STAT5A: variants seen among roughly 807,000 people sequenced by gnomAD.
STAT5A encodes the protein signal transducer and activator of transcription 5A.
A neutral mutation model predicts 100.2 loss-of-function variants in STAT5A; 26 were observed. The observed-to-expected ratio is 0.26, with a 90% CI of 0.19 to 0.36. The LOEUF (loss-of-function observed/expected upper bound fraction) is 0.36, where lower values mean the gene tolerates loss of function less well. STAT5A is among the 10% of genes least tolerant of loss of function. The probability of loss-of-function intolerance (pLI) is 1.00; values close to 1 mark genes in which losing one functional copy is unlikely to be tolerated. For synonymous variants in STAT5A, 330 were observed against 424.3 expected, an observed-to-expected ratio of 0.78 and a Z score of 2.73; for missense variants, 634 against 1,027.5, an observed-to-expected ratio of 0.62 and a Z score of 5.24.
Position 42,309,403 on chromosome 17 carries a change from G to C in STAT5A, c.2141G>C (p.Gly714Ala), listed in dbSNP as rs1390078501. 2.5e-6 allele frequency: 4 copies of C among 1,612,940 alleles called. No individual in the cohort carries two copies. Among genetic ancestry groups the C allele is most frequent in the African/African-American group, 1.3e-5 (1 of 74,880 alleles). Residue 714 changes from glycine (G) to alanine (A), a missense_variant, in exon 18 of 19, where the codon GGG (glycine) becomes GCG (alanine). Physicochemically the swap from Gly to Ala is moderately conservative, Grantham distance 60. Coordinates refer to ENST00000590949, the MANE Select transcript of STAT5A (RefSeq NM_001288718.2). ...TTTGTGAATGCATCTGCAGATGCTG[G>C]GGGCAGCAGCGCCACGTACATGGAC... ...PEFVNASADA[G>A]GSSATYMDQA...
At chr17:42,290,766 G>A (rs1250780202) in intron 3 of STAT5A, among the ~76,000 whole-genome samples, 3 of 152,196 alleles carry the variant, frequency 2.0e-5, no homozygotes, top group Non-Finnish European at 2.9e-5. Flanking sequence ...GCGTCTGGAC[G>A]AGTACATAAT....
intron 4 of STAT5A, among the ~76,000 whole-genome samples, chr17:42,293,094 G>A (rs2080886542): frequency 6.6e-6 from 1 of 152,234 alleles, no homozygotes; most frequent in South Asian, 2.1e-4. Context: ...ATGGCACAGT[G>A]CTGTACTATC....
Position 42,311,074 on chromosome 17 carries a change from A to G in STAT5A, c.*405A>G, listed in dbSNP as rs936924468. On this transcript the variant is annotated 3_prime_UTR_variant, in exon 19 of 19. Coordinates refer to ENST00000590949, the MANE Select transcript of STAT5A (RefSeq NM_001288718.2). ...GCTGAAGTTTCACTCCGGAGTGAGAAGCTTTGCCCTCCTAAGAGAGAGAGA... is the reference window on the plus strand; with the variant it reads ...GCTGAAGTTTCACTCCGGAGTGAGAGGCTTTGCCCTCCTAAGAGAGAGAGA... The G allele has an allele frequency of 8.6e-6, 2 of 232,224 alleles. No individual in the cohort carries two copies. Among genetic ancestry groups the G allele is most frequent in the East Asian group, 1.8e-4 (2 of 11,192 alleles). The allele number at this position is 232,224 out of a possible 1,614,324, so 14.4% of individuals were successfully genotyped here. A position where few individuals can be genotyped will look rare whatever the true frequency, so the allele number is the denominator to read the frequency against.
rs371479742 is a variant in STAT5A, at chr17:42,295,803, G to A, written c.550+10G>A. 13 of 1,613,256 alleles carry A rather than the reference G, an allele frequency of 8.1e-6. No individual in the cohort carries two copies. The highest frequency in any genetic ancestry group is 2.2e-5 in the East Asian group (1 of 44,874). On this transcript the variant is annotated intron_variant, in intron 5 of 18. Transcript: ENST00000590949. ...AGCCTGAGGATCCAAGGTGAGGCGC[G>A]GTGGAGGCAGTGTGCATCCGGAGGG...
intron 17 of STAT5A, 93 bp from the exon 18 acceptor site, chr17:42,309,284 C>A: frequency 3.2e-6 from 5 of 1,542,974 alleles, no homozygotes; most frequent in Non-Finnish European, 4.5e-6. Context: ...CCGTCTACAC[C>A]CCGAGAAAGA....
chr17:42,301,284 C>T lies in STAT5A; in HGVS notation c.999C>T (p.Ile333=), dbSNP rs2080976042. The change falls in exon 9 of 19, where the codon ATC becomes ATT. Residue 333 remains isoleucine (I), a synonymous_variant. Transcript: ENST00000590949. ...IISALVTSTF[I]IEKQPPQVLK... Reference sequence around the variant, plus strand: ...CCTGTGTCCCATGCAGCACATTCATCATTGAGAAGCAGCCTCCTCAGGTCC... The same window carrying T: ...CCTGTGTCCCATGCAGCACATTCATTATTGAGAAGCAGCCTCCTCAGGTCC... The T allele has an allele frequency of 1.4e-5, 22 of 1,613,976 alleles. No individual in the cohort carries two copies. Among genetic ancestry groups the T allele is most frequent in the Non-Finnish European group, 1.9e-5 (22 of 1,179,942 alleles).
chr17:42,298,020 G>T (rs1312554928), intron 5 of STAT5A, among the ~76,000 whole-genome samples: 1 of 151,656 alleles, frequency 6.6e-6, no homozygotes, highest in East Asian at 1.9e-4. Flanking sequence ...GTCCCAGTGT[G>T]GTGGAGACGG....
rs1381483231 is a variant in STAT5A, at chr17:42,311,120, AAG to A, written c.*458_*459del. 1.5e-5 allele frequency: 3 copies of A among 205,802 alleles called. No individual in the cohort carries two copies. Among genetic ancestry groups the A allele is most frequent in the Non-Finnish European group, 1.0e-5 (1 of 97,894 alleles). The allele number at this position is 205,802 out of a possible 1,614,324, so 12.7% of individuals were successfully genotyped here. ...AGAGACAGAGAGACAGAGAGAGAGA[AAG>A]AGAGAGTGTGTGGGTCTATGTAAAT... On this transcript the variant is annotated 3_prime_UTR_variant, in exon 19 of 19. Coordinates refer to ENST00000590949, the MANE Select transcript of STAT5A (RefSeq NM_001288718.2).
chr17:42,304,728 G>A lies in STAT5A; in HGVS notation c.1380+76G>A. 2 of 1,590,484 alleles carry A rather than the reference G, an allele frequency of 1.3e-6. No homozygotes were observed. Among genetic ancestry groups the A allele is most frequent in the Non-Finnish European group, 1.7e-6 (2 of 1,167,774 alleles). On this transcript the variant is annotated intron_variant, in intron 11 of 18. Transcript: ENST00000590949. This position sits in a 1 kb window ranked among gnomAD's most constrained non-coding sequence, Gnocchi z 4.8. Reference sequence around the variant, plus strand: ...GGAGGGGCCTGCCTCAGGACTCCTGGCAGCAATGCCATCGGACAGCCTGCT... The same window carrying A: ...GGAGGGGCCTGCCTCAGGACTCCTGACAGCAATGCCATCGGACAGCCTGCT...
rs1289432511 is a variant in STAT5A at position 42,299,784 on chromosome 17, A to G, written c.584A>G (p.Gln195Arg). ...QFAQLAQLSPQERLSRETALQ... is the reference protein window; with the variant it reads ...QFAQLAQLSPRERLSRETALQ... ...GCCCAGCTGGCCCAGCTGAGCCCCC[A>G]GGAGCGTCTGAGCCGGGAGACGGCC... is the stretch of plus-strand genomic sequence containing the variant. The change falls in exon 6 of 19, where the codon CAG (glutamine) becomes CGG (arginine). Residue 195 changes from glutamine to arginine, a missense_variant. Physicochemically the swap from Gln to Arg is conservative, Grantham distance 43 (BLOSUM62 1). This residue lies in a region of STAT5A where 207 missense variants were observed against 256.6 expected (regional missense o/e 0.81). Transcript: ENST00000590949. 2 of 1,614,084 alleles carry G rather than the reference A, an allele frequency of 1.2e-6. No homozygotes were observed. Among genetic ancestry groups the G allele is most frequent in the South Asian group, 2.2e-5 (2 of 91,076 alleles).
rs1339051892 is a variant in STAT5A at position 42,306,795 on chromosome 17, C to G, written c.1680+348C>G. 3.3e-5 allele frequency among the ~76,000 whole-genome samples: 5 copies of G among 152,098 alleles called. No individual in the cohort carries two copies. In the East Asian group the frequency reaches 5.8e-4, roughly 18 times the overall value. ...AGTGCAGTGGCGTGATTTCAGCTTA[C>G]TGTAACCTCTGCCTCCCGGGTTCAA... is the stretch of plus-strand genomic sequence containing the variant. On this transcript the variant is annotated intron_variant, in intron 13 of 18. Transcript: ENST00000590949.
At chr17:42,295,339 A>G (rs1255798995) in intron 4 of STAT5A, among the ~76,000 whole-genome samples, 1 of 152,112 alleles carries the variant, frequency 6.6e-6, no homozygotes, top group African/African-American at 2.4e-5. Flanking sequence ...GGAATACTCT[A>G]GTGGAGGGCA....
Position 42,308,408 on chromosome 17 carries a change from G to A in STAT5A, c.2062+75G>A, listed in dbSNP as rs575206845. ...CAGCCCATAGACAAAGCCTTGGGCT[G>A]CGCCGTGGGGACTTCCCCAGGAGGA... On this transcript the variant is annotated intron_variant, in intron 16 of 18. Coordinates refer to ENST00000590949, the MANE Select transcript of STAT5A (RefSeq NM_001288718.2). The surrounding 1 kb of genome is among the most constrained non-coding windows in gnomAD (Gnocchi z 4.6). The A allele has an allele frequency of 3.4e-4, 544 of 1,603,480 alleles. 4 individuals are homozygous for A. In the African/African-American group the frequency reaches 6.5e-3, roughly 19 times the overall value.
Position 42,304,089 on chromosome 17 carries a change from A to G in STAT5A, c.1170-253A>G. On this transcript the variant is annotated intron_variant, in intron 9 of 18. Coordinates refer to ENST00000590949, the MANE Select transcript of STAT5A (RefSeq NM_001288718.2). The surrounding 1 kb of genome is among the most constrained non-coding windows in gnomAD (Gnocchi z 4.8). ...TATTGGAAGTCCCCAAAGCCCTCAC[A>G]TCAATCTTGGTATCGAGGAATTTCT... 1.9e-6 allele frequency: 1 copy of G among 520,792 alleles called. No homozygotes were observed. Among genetic ancestry groups the G allele is most frequent in the Non-Finnish European group, 3.5e-6 (1 of 288,858 alleles). The allele number at this position is 520,792 out of a possible 1,614,324, so 32.3% of individuals were successfully genotyped here. A position where few individuals can be genotyped will look rare whatever the true frequency, so the allele number is the denominator to read the frequency against.
At chr17:42,294,928 C>T (rs1424383756) in intron 4 of STAT5A, among the ~76,000 whole-genome samples, 5 of 150,660 alleles carry the variant, frequency 3.3e-5, no homozygotes, top group Non-Finnish European at 5.9e-5. Flanking sequence ...AACGGAGTCT[C>T]GCTGTGTTGC....
At chr17:42,291,860 C>T (rs1433645251) in intron 3 of STAT5A, 112 bp from the exon 4 acceptor site, 6 of 1,102,532 alleles carry the variant, frequency 5.4e-6, no homozygotes, top group Non-Finnish European at 8.0e-6. Flanking sequence ...TCCTGAGGCT[C>T]CCTGGGAAAA....
rs2081079617 is a variant in STAT5A at position 42,311,381 on chromosome 17, A to G, written c.*712A>G. The G allele has an allele frequency of 6.6e-6, 1 of 152,472 alleles. No homozygotes were observed. 9.4% of individuals were successfully genotyped at this position (152,472 alleles called of 1,614,324 possible). A position where few individuals can be genotyped will look rare whatever the true frequency, so the allele number is the denominator to read the frequency against. On this transcript the variant is annotated 3_prime_UTR_variant, in exon 19 of 19. Coordinates refer to ENST00000590949, the MANE Select transcript of STAT5A (RefSeq NM_001288718.2). ...GCTTGGCTGCTTGGCCTTGGGCTTC[A>G]TTCAAGTCTATGATGCTGTTGCCCA... is the stretch of plus-strand genomic sequence containing the variant.
At chr17:42,301,756 G>A (rs958645486) in intron 9 of STAT5A, among the ~76,000 whole-genome samples, 18 of 152,182 alleles carry the variant, frequency 1.2e-4, no homozygotes, top group African/African-American at 4.1e-4. Flanking sequence ...ACTTTCTCCT[G>A]AAAGTGTATT....
At chr17:42,309,008 C>T (rs755295166) in intron 16 of STAT5A, 39 bp from the exon 17 acceptor site, 7 of 1,613,972 alleles carry the variant, frequency 4.3e-6, no homozygotes, top group African/African-American at 4.0e-5. Context: ...TGGGAGTTCC[C>T]AGAGACTTTG....
Sources: allele counts gnomAD v4.1 joint callset (sites outside exome capture counted in the v4.1 genomes callset), GRCh38; gene constraint gnomAD v4.1.1; regional missense constraint gnomAD v4.1.1; non-coding constraint Gnocchi (gnomAD v3.1); transcripts MANE v1.5; gene names NCBI Gene and HGNC (gene_info 2026-07-23, HGNC 2026-07-21).